TSTD2: variants seen among roughly 807,000 people sequenced by gnomAD.
The protein encoded by TSTD2 is thiosulfate sulfurtransferase like domain containing 2.
A neutral mutation model predicts 47.9 loss-of-function variants in TSTD2; 37 were observed. That is an observed-to-expected ratio of 0.77 (90% CI 0.59 to 1.02). The LOEUF (loss-of-function observed/expected upper bound fraction) is 1.02, where lower values mean the gene tolerates loss of function less well. Ranked by LOEUF, TSTD2 falls within the 50% of genes least tolerant of loss-of-function variation. The pLI is 0.00. For missense variants in TSTD2, 586 were observed against 616.0 expected, an observed-to-expected ratio of 0.95 and a Z score of 0.52; for synonymous variants, 201 against 215.9, an observed-to-expected ratio of 0.93 and a Z score of 0.61.
intron 4 of TSTD2, among the ~76,000 whole-genome samples, chr9:97,613,212 T>A (rs1390489642): frequency 6.6e-6 from 1 of 152,112 alleles, no homozygotes; most frequent in African/African-American, 2.4e-5. Context: ...ACTACCAAAA[T>A]CCTAAAGCAC....
intron 6 of TSTD2, 150 bp from the exon 7 acceptor site, chr9:97,606,411 C>A: frequency 1.7e-6 from 1 of 571,632 alleles, no homozygotes; most frequent in Non-Finnish European, 3.1e-6. Context: ...AAGAACACTA[C>A]TTGATGATCA....
intron 3 of TSTD2, among the ~76,000 whole-genome samples, chr9:97,619,504 CTTTT>C (rs1166408009): frequency 6.6e-6 from 1 of 151,820 alleles, no homozygotes; most frequent in African/African-American, 2.4e-5. Flanking sequence ...TTACGATTTT[CTTTT>C]TTTCTTTTTT....
In TSTD2 at chr9:97,602,449, G is replaced by A. The variant is rs773011567; in HGVS notation, c.*20C>T. On this transcript the variant is annotated 3_prime_UTR_variant, in exon 10 of 10. Transcript: ENST00000341170. Reference sequence around the variant, plus strand: ...AAACCTACTTTTACCGAGGGCCTGGGAAAATGCCAAAGGTGCTGCTCACAT... The same window carrying A: ...AAACCTACTTTTACCGAGGGCCTGGAAAAATGCCAAAGGTGCTGCTCACAT... 2.6e-6 allele frequency: 4 copies of A among 1,567,174 alleles called. No homozygotes were observed. The highest frequency in any genetic ancestry group is 2.6e-6 in the Non-Finnish European group (3 of 1,153,576).
At chr9:97,604,989 G>A in intron 8 of TSTD2, 124 bp from the exon 9 acceptor site, 6 of 1,463,524 alleles carry the variant, frequency 4.1e-6, no homozygotes, top group Admixed American at 2.6e-5. Flanking sequence ...CTATCAGTCA[G>A]GGGCTCCTGG....
chr9:97,626,471 C>T (rs918954913), intron 2 of TSTD2, among the ~76,000 whole-genome samples: 1 of 152,040 alleles, frequency 6.6e-6, no homozygotes, highest in Non-Finnish European at 1.5e-5. Flanking sequence ...GTAATCTTAA[C>T]CACATTAAAA....
chr9:97,620,101 TG>T (rs1254159583), intron 3 of TSTD2, among the ~76,000 whole-genome samples: 15 of 152,232 alleles, frequency 9.9e-5, no homozygotes, highest in Admixed American at 9.8e-4. Context: ...CATCTTGAAT[TG>T]TAATTCTCAC....
Position 97,600,221 on chromosome 9 carries a change from A to ACACAATT in TSTD2, c.*2241_*2247dup. 1.0e-6 allele frequency: 1 copy of ACACAATT among 994,114 alleles called. No individual in the cohort carries two copies. Among genetic ancestry groups the ACACAATT allele is most frequent in the Non-Finnish European group, 1.2e-6 (1 of 834,276 alleles). 61.6% of individuals were successfully genotyped at this position (994,114 alleles called of 1,614,324 possible). ...TGCCAAATTGATTACTGGATCCAGA[A>ACACAATT]CACAATTTTCCCCTCAGAACAGATA... On this transcript the variant is annotated 3_prime_UTR_variant, in exon 10 of 10. Coordinates refer to ENST00000341170, the MANE Select transcript of TSTD2 (RefSeq NM_139246.5).
At chr9:97,610,771 A>G (rs1826444077) in intron 5 of TSTD2, 1 of 177,298 alleles carries the variant, frequency 5.6e-6, no homozygotes, top group African/African-American at 2.4e-5. Context: ...GCCAGCATGA[A>G]CGCTAGCAAG....
At chr9:97,605,360 G>A in intron 8 of TSTD2, 123 bp downstream of exon 8, 1 of 1,188,776 alleles carries the variant, frequency 8.4e-7, no homozygotes, top group Non-Finnish European at 1.2e-6. Context: ...TACGAGGGGT[G>A]AAGGCATGCT....
chr9:97,609,402 G>A (rs1180692362), intron 6 of TSTD2, among the ~76,000 whole-genome samples: 1 of 152,016 alleles, frequency 6.6e-6, no homozygotes, highest in African/African-American at 2.4e-5. Context: ...AACTCTAAAG[G>A]TCAAATGATC....
At chr9:97,604,513 T>G (rs979608771) in intron 9 of TSTD2, 17 of 605,578 alleles carry the variant, frequency 2.8e-5, no homozygotes, top group Non-Finnish European at 4.6e-5. Flanking sequence ...CTAGCAATGG[T>G]GAAGCCAGGA....
At position 97,610,325 on chromosome 9, in the gene TSTD2, ATCT is replaced by A; in HGVS notation, c.835+18_835+20del. On this transcript the variant is annotated intron_variant, in intron 6 of 9. Transcript: ENST00000341170. ...TTTTGTCCCTGTGAATTAAAGCACA[ATCT>A]TCTAAAAGCAAGCATACCAGGCTTC... is the stretch of plus-strand genomic sequence containing the variant. 6.3e-7 allele frequency: 1 copy of A among 1,593,566 alleles called. No homozygotes were observed. Among genetic ancestry groups the A allele is most frequent in the South Asian group, 1.1e-5 (1 of 88,272 alleles).
intron 1 of TSTD2, among the ~76,000 whole-genome samples, chr9:97,627,816 T>C (rs1223493138): frequency 6.6e-6 from 1 of 152,208 alleles, no homozygotes; most frequent in African/African-American, 2.4e-5. Context: ...TAAACGAAAG[T>C]GAAAAAGTTT....
intron 7 of TSTD2, 63 bp from the exon 8 acceptor site, chr9:97,605,704 T>G: frequency 6.2e-7 from 1 of 1,604,682 alleles, no homozygotes; most frequent in Non-Finnish European, 8.5e-7. Flanking sequence ...GAACAAAGGT[T>G]CTTTTTGTAC....
In TSTD2 at chr9:97,601,586, G is replaced by T. The variant is rs1372702871; in HGVS notation, c.*883C>A. The T allele has an allele frequency of 6.4e-5, 63 of 987,160 alleles. No homozygotes were observed. The highest frequency in any genetic ancestry group is 7.5e-5 in the Non-Finnish European group (62 of 831,272). 61.2% of individuals were successfully genotyped at this position (987,160 alleles called of 1,614,324 possible). On this transcript the variant is annotated 3_prime_UTR_variant, in exon 10 of 10. Coordinates refer to ENST00000341170, the MANE Select transcript of TSTD2 (RefSeq NM_139246.5). Reference sequence around the variant, plus strand: ...CTCTATCAGATGAGCTGCTGGTCTAGATCAGGGGCTGGCAAACTTTTCTGT... The same window carrying T: ...CTCTATCAGATGAGCTGCTGGTCTATATCAGGGGCTGGCAAACTTTTCTGT...
chr9:97,629,899 C>G (rs1389428339), intron 1 of TSTD2, among the ~76,000 whole-genome samples: 1 of 152,182 alleles, frequency 6.6e-6, no homozygotes, highest in African/African-American at 2.4e-5. Context: ...CAATCCGGTC[C>G]CACCTCCAGC....
In TSTD2 at chr9:97,604,763, G is replaced by A. The variant is rs187116839; in HGVS notation, c.1216C>T (p.Arg406Cys). ...YKGKLFVFDE[R>C]YALSYNSDVV... is the part of the protein sequence containing the mutation. ...TCACTGTTGTAGGACAGAGCATAGC[G>A]TTCATCAAAAACAAACAACTTCCCT... Residue 406 changes from arginine to cysteine, a missense_variant, in exon 9 of 10, where the codon CGC becomes TGC. Arg to Cys is a radical substitution (Grantham distance 180, BLOSUM62 -3). Coordinates refer to ENST00000341170, the MANE Select transcript of TSTD2 (RefSeq NM_139246.5). 3.5e-5 allele frequency: 56 copies of A among 1,614,192 alleles called. No individual in the cohort carries two copies. The highest frequency in any genetic ancestry group is 6.7e-5 in the Admixed American group (4 of 60,026).
intron 9 of TSTD2, chr9:97,603,200 G>A (rs1261192789): frequency 2.3e-5 from 4 of 173,296 alleles, no homozygotes; most frequent in Admixed American, 6.4e-5. Flanking sequence ...GTGAACATGC[G>A]CAGTCCACAC....
intron 1 of TSTD2, among the ~76,000 whole-genome samples, chr9:97,632,864 A>C (rs1347917858): frequency 6.6e-6 from 1 of 152,154 alleles, no homozygotes; most frequent in Non-Finnish European, 1.5e-5. Context: ...AATGGGTAAG[A>C]CCGAAGGAGA....
Sources: gnomAD v4.1 joint callset for allele counts (sites outside exome capture counted in the v4.1 genomes callset) on GRCh38, gnomAD v4.1.1 for gene constraint, MANE v1.5 for transcripts, NCBI Gene and HGNC (gene_info 2026-07-23, HGNC 2026-07-21) for gene names.